MGAT5: variants seen among roughly 807,000 people sequenced by gnomAD.
The protein encoded by MGAT5 is alpha-1,6-mannosylglycoprotein 6-beta-N-acetylglucosaminyltransferase.
Under a neutral mutation model 94.3 loss-of-function variants are expected in MGAT5, and 30 were observed. The ratio of observed to expected loss-of-function variants is 0.32; its 90% CI spans 0.24 to 0.43. The LOEUF (loss-of-function observed/expected upper bound fraction) is 0.43, where lower values mean the gene tolerates loss of function less well. Among genes scored for constraint, MGAT5 ranks in the 20% least tolerant of loss-of-function variants. MGAT5 has a pLI of 1.00. For synonymous variants in MGAT5, 310 were observed against 322.9 expected, an observed-to-expected ratio of 0.96 and a Z score of 0.43; for missense variants, 691 against 905.5, an observed-to-expected ratio of 0.76 and a Z score of 3.04.
At chr2:134,190,109 A>G (rs1324184973) in intron 1 of MGAT5, among the ~76,000 whole-genome samples, 1 of 152,182 alleles carries the variant, frequency 6.6e-6, no homozygotes, top group Non-Finnish European at 1.5e-5. Flanking sequence ...GCTTTCAGAT[A>G]TGCCCTTCTG....
chr2:134,425,586 G>A (rs1684536012), intron 13 of MGAT5, among the ~76,000 whole-genome samples: 3 of 152,144 alleles, frequency 2.0e-5, no homozygotes, highest in Non-Finnish European at 4.4e-5. Flanking sequence ...GAGGAGCCGT[G>A]ACTCAAACCC....
intron 13 of MGAT5, among the ~76,000 whole-genome samples, chr2:134,426,695 G>T (rs1319379053): frequency 6.6e-6 from 1 of 150,614 alleles, no homozygotes; most frequent in Non-Finnish European, 1.5e-5. Flanking sequence ...TCACCCATGG[G>T]TTGAGTAAAC....
intron 10 of MGAT5, among the ~76,000 whole-genome samples, chr2:134,391,250 A>T (rs866949552): frequency 1.1e-4 from 16 of 152,088 alleles, no homozygotes; most frequent in African/African-American, 3.4e-4. Context: ...CATCCAAAAG[A>T]GGCTACCACT....
chr2:134,191,281 A>T (rs1175766174), intron 1 of MGAT5, among the ~76,000 whole-genome samples: 1 of 152,270 alleles, frequency 6.6e-6, no homozygotes, highest in Non-Finnish European at 1.5e-5. Context: ...TGTGTCCTCC[A>T]AAGTTCATGT....
At chr2:134,361,267 A>G (rs567073486) in intron 9 of MGAT5, among the ~76,000 whole-genome samples, 3 of 152,328 alleles carry the variant, frequency 2.0e-5, no homozygotes, top group African/African-American at 7.2e-5. Flanking sequence ...CTCAATCACC[A>G]GGAGGAATTT....
chr2:134,319,246 T>A (rs187558752), intron 4 of MGAT5, among the ~76,000 whole-genome samples: 1 of 152,340 alleles, frequency 6.6e-6, no homozygotes, highest in African/African-American at 2.4e-5. Context: ...CATACCATTT[T>A]GTAAAGCAGC....
intron 1 of MGAT5, among the ~76,000 whole-genome samples, chr2:134,258,167 G>GTCTA (rs3838493): frequency 2.0e-5 from 3 of 151,810 alleles, no homozygotes; most frequent in African/African-American, 7.3e-5. Flanking sequence ...CAGGACCTTT[G>GTCTA]ATTGTGTAAA....
chr2:134,426,205 A>ACTTC (rs112848952), intron 13 of MGAT5, among the ~76,000 whole-genome samples: 223 of 136,094 alleles, frequency 1.6e-3, no homozygotes, highest in African/African-American at 5.2e-3. Flanking sequence ...TGACTCACCG[A>ACTTC]CTTCCTTCCT....
chr2:134,199,161 G>A (rs373683991), intron 1 of MGAT5, among the ~76,000 whole-genome samples: 3 of 152,144 alleles, frequency 2.0e-5, no homozygotes, highest in South Asian at 2.1e-4. Context: ...CTATTTCTTG[G>A]GGAAATCTCA....
At chr2:134,304,635 G>A (rs754338029) in intron 2 of MGAT5, among the ~76,000 whole-genome samples, 17 of 152,176 alleles carry the variant, frequency 1.1e-4, no homozygotes, top group African/African-American at 3.1e-4. Context: ...TACAAGCAGA[G>A]TATTGGTATC....
At chr2:134,259,991 A>G (rs1683216301) in intron 1 of MGAT5, among the ~76,000 whole-genome samples, 2 of 152,250 alleles carry the variant, frequency 1.3e-5, no homozygotes, top group Middle Eastern at 3.4e-3. Context: ...AACCAGAATG[A>G]CACACGGAGC....
At position 134,454,342 on chromosome 2, in the gene MGAT5, TA is replaced by T. The variant is rs1429643981; in HGVS notation, c.*5496del. ...TCCTACCCAAGTATTAATAGCATAA[TA>T]GTTGATGCCAAAGGAGATGGTGACG... is the stretch of plus-strand genomic sequence containing the variant. On this transcript the variant is annotated 3_prime_UTR_variant, in exon 16 of 16. Transcript: ENST00000281923. 1 of 152,218 alleles carries T rather than the reference TA, an allele frequency of 6.6e-6. No individual in the cohort carries two copies. Among genetic ancestry groups the T allele is most frequent in the Non-Finnish European group, 1.5e-5 (1 of 68,032 alleles). 9.4% of individuals were successfully genotyped at this position (152,218 alleles called of 1,614,324 possible).
intron 1 of MGAT5, among the ~76,000 whole-genome samples, chr2:134,222,003 G>A (rs1183005915): frequency 6.6e-6 from 1 of 152,162 alleles, no homozygotes; most frequent in Non-Finnish European, 1.5e-5. Flanking sequence ...GTCCCACGGT[G>A]CTAGAAAGGC....
chr2:134,372,147 A>G (rs993648011), intron 10 of MGAT5, among the ~76,000 whole-genome samples: 5 of 152,128 alleles, frequency 3.3e-5, no homozygotes, highest in Non-Finnish European at 5.9e-5. Flanking sequence ...CCTTGTTCAG[A>G]AAAACCTTAA....
chr2:134,348,269 C>T (rs1558812803), intron 8 of MGAT5, among the ~76,000 whole-genome samples: 2 of 152,184 alleles, frequency 1.3e-5, no homozygotes, highest in Non-Finnish European at 2.9e-5. Context: ...GCCCACCTAT[C>T]GGCCACGAGG....
Position 134,349,917 on chromosome 2 carries a change from C to T in MGAT5, c.1225C>T (p.Gln409Ter). ...TTGGGGAAAATGGAATCTGAACCCT[C>T]AGCAGTTTTATACCATGTTCCGTGA... ...TPWGKWNLNP[Q>*]QFYTMFPHTP... The change falls in exon 9 of 16, where the codon CAG (glutamine) becomes TAG (stop). Residue 409 changes from glutamine (Q) to a stop codon, truncating the protein, a stop_gained. Transcript: ENST00000281923. LOFTEE classifies it high-confidence loss of function. The T allele has an allele frequency of 6.2e-7, 1 of 1,613,436 alleles. No individual in the cohort carries two copies. Among genetic ancestry groups the T allele is most frequent in the Non-Finnish European group, 8.5e-7 (1 of 1,179,580 alleles).
intron 2 of MGAT5, among the ~76,000 whole-genome samples, chr2:134,314,772 G>A (rs1686900949): frequency 6.6e-6 from 1 of 152,182 alleles, no homozygotes; most frequent in African/African-American, 2.4e-5. Context: ...CCAGGGAGAG[G>A]AAGGCCCGCA....
chr2:134,195,920 G>A (rs1359603379), intron 1 of MGAT5, among the ~76,000 whole-genome samples: 5 of 152,182 alleles, frequency 3.3e-5, no homozygotes, highest in Admixed American at 6.5e-5. Context: ...CCTATAACTG[G>A]CTTGTGATCT....
chr2:134,239,430 C>T (rs187363903), intron 1 of MGAT5, among the ~76,000 whole-genome samples: 11 of 152,326 alleles, frequency 7.2e-5, no homozygotes, highest in Admixed American at 6.5e-4. Context: ...TAGAATAGAA[C>T]CAAAGGTTAC....
Sources: gnomAD v4.1 joint callset for allele counts (sites outside exome capture counted in the v4.1 genomes callset) on GRCh38, gnomAD v4.1.1 for gene constraint, MANE v1.5 for transcripts, NCBI Gene and HGNC (gene_info 2026-07-23, HGNC 2026-07-21) for gene names.